FN3K: variants seen among roughly 807,000 people sequenced by gnomAD.
FN3K encodes fructosamine-3-kinase.
A neutral mutation model predicts 24.8 loss-of-function variants in FN3K; 24 were observed. That is an observed-to-expected ratio of 0.97 (90% CI 0.70 to 1.36). FN3K has a LOEUF of 1.36. FN3K is among the 40% of genes most tolerant of loss of function. FN3K has a pLI of 0.00. For missense variants in FN3K, 449 were observed against 416.7 expected (o/e 1.08, Z -0.67); for synonymous variants, 192 against 175.2 (o/e 1.10, Z -0.76).
At chr17:82,744,445 TTGG>T (rs1279517472) in intron 4 of FN3K, among the ~76,000 whole-genome samples, 1 of 152,154 alleles carries the variant, frequency 6.6e-6, no homozygotes, top group African/African-American at 2.4e-5. Flanking sequence ...CAACCATTCA[TTGG>T]TGTTGTCACT....
rs77706400 is a variant in FN3K at position 82,741,534 on chromosome 17, G to A, written c.468+141G>A. 664 of 780,828 alleles carry A rather than the reference G, an allele frequency of 8.5e-4. 6 individuals are homozygous for A. In the East Asian group the frequency reaches 0.017, roughly 20 times the overall value. 48.4% of individuals were successfully genotyped at this position (780,828 alleles called of 1,614,324 possible). On this transcript the variant is annotated intron_variant, in intron 4 of 5. Coordinates refer to ENST00000300784, the MANE Select transcript of FN3K (RefSeq NM_022158.4). ...AGCAGAGTAGAAGCTGTGATACCTG[G>A]AATGGGGAGAGCAGACGCTGAGGGT...
chr17:82,748,154 CT>C (rs946867906), intron 4 of FN3K, among the ~76,000 whole-genome samples: 34 of 127,044 alleles, frequency 2.7e-4, no homozygotes, highest in Admixed American at 6.1e-4. Context: ...TTTTTTTTTT[CT>C]TTTTTTTTTT....
intron 3 of FN3K, chr17:82,741,066 C>T: frequency 1.5e-6 from 1 of 656,920 alleles, no homozygotes. Context: ...TTATACCCAG[C>T]CCTCCTGTCT....
In FN3K at chr17:82,735,621, C is replaced by G. The variant is rs773282049; in HGVS notation, c.-16C>G. On this transcript the variant is annotated 5_prime_UTR_variant, in exon 1 of 6. Transcript: ENST00000300784. ...CAGGGGCTTCCGAGCGAGCAGAGTC[C>G]CGCGCCCCGCACTCCATGGAGCAGC... 6.6e-7 allele frequency: 1 copy of G among 1,513,920 alleles called. No homozygotes were observed. Among genetic ancestry groups the G allele is most frequent in the African/African-American group, 1.4e-5 (1 of 69,380 alleles). The allele number at this position is 1,513,920 out of a possible 1,614,324, so 93.8% of individuals were successfully genotyped here.
rs760258737 is a variant in FN3K at position 82,735,774 on chromosome 17, G to T, written c.138G>T (p.Thr46=). The T allele has an allele frequency of 1.9e-6, 3 of 1,561,022 alleles. No individual in the cohort carries two copies. Among genetic ancestry groups the T allele is most frequent in the South Asian group, 2.4e-5 (2 of 84,888 alleles). ...GPVFVKVNRR[T]QARQMFEGEV... is the part of the protein sequence containing the mutation. ...TGTTCGTCAAAGTCAACCGCAGGAC[G>T]CAGGTGCTGGCCCGTGCGCAGGCGG... is the stretch of plus-strand genomic sequence containing the variant. The change falls in exon 1 of 6, where the codon ACG becomes ACT. Residue 46 remains threonine (T), a synonymous_variant. Coordinates refer to ENST00000300784, the MANE Select transcript of FN3K (RefSeq NM_022158.4).
chr17:82,738,925 CATATATAT>C (rs201805110), intron 2 of FN3K, among the ~76,000 whole-genome samples: 2 of 104,118 alleles, frequency 1.9e-5, no homozygotes, highest in Non-Finnish European at 3.8e-5. Context: ...TATATATACA[CATATATAT>C]ATATATATAT....
Position 82,740,964 on chromosome 17 carries a change from C to T in FN3K, c.385+110C>T, listed in dbSNP as rs149684982. 2.0e-4 allele frequency: 151 copies of T among 759,664 alleles called. No homozygotes were observed. The East Asian group carries it at 3.4e-3, about 17-fold the overall frequency. The allele number at this position is 759,664 out of a possible 1,614,324, so 47.1% of individuals were successfully genotyped here. A position where few individuals can be genotyped will look rare whatever the true frequency, so the allele number is the denominator to read the frequency against. ...TTCAATAATAGGTTGAGTTGTATACCGTCTGTCTTTACACTACATTATGAA... is the reference window on the plus strand; with the variant it reads ...TTCAATAATAGGTTGAGTTGTATACTGTCTGTCTTTACACTACATTATGAA... On this transcript the variant is annotated intron_variant, in intron 3 of 5. Coordinates refer to ENST00000300784, the MANE Select transcript of FN3K (RefSeq NM_022158.4).
At chr17:82,749,116 G>A in intron 5 of FN3K, 139 bp downstream of exon 5, 1 of 1,355,248 alleles carries the variant, frequency 7.4e-7, no homozygotes, top group Non-Finnish European at 1.0e-6. Flanking sequence ...AAGGGGGGCA[G>A]GGGCGGGGGT....
chr17:82,741,723 A>C (rs1360041910), intron 4 of FN3K, among the ~76,000 whole-genome samples: 1 of 152,186 alleles, frequency 6.6e-6, no homozygotes, highest in African/African-American at 2.4e-5. Context: ...TCAGGGATTA[A>C]GTGCTGATTA....
rs754744395 is a variant in FN3K at position 82,735,802 on chromosome 17, G to C, written c.141+25G>C. On this transcript the variant is annotated intron_variant, in intron 1 of 5. Transcript: ENST00000300784. ...GGTGCTGGCCCGTGCGCAGGCGGGG[G>C]CTCTGCGGGTCTCTGCGGGGCCTGG... is the stretch of plus-strand genomic sequence containing the variant. The C allele has an allele frequency of 1.9e-5, 29 of 1,549,274 alleles. No individual in the cohort carries two copies. The East Asian group carries it at 4.8e-4, about 26-fold the overall frequency.
intron 1 of FN3K, among the ~76,000 whole-genome samples, chr17:82,737,410 G>A (rs2046908674): frequency 2.6e-5 from 4 of 151,890 alleles, no homozygotes; most frequent in Admixed American, 1.3e-4. Flanking sequence ...TGCAAGCTGC[G>A]CCTCCCGGTT....
chr17:82,746,168 A>G (rs563375650), intron 4 of FN3K, among the ~76,000 whole-genome samples: 1 of 151,850 alleles, frequency 6.6e-6, no homozygotes, highest in African/African-American at 2.4e-5. Context: ...CCAGCAGCAT[A>G]TGGGAGTTCC....
chr17:82,739,619 G>A (rs543760863), intron 2 of FN3K, among the ~76,000 whole-genome samples: 8 of 151,946 alleles, frequency 5.3e-5, no homozygotes, highest in East Asian at 3.9e-4. Context: ...CACCATGCCC[G>A]GCTAATTTTT....
intron 2 of FN3K, among the ~76,000 whole-genome samples, chr17:82,739,611 C>G (rs1258574575): frequency 6.6e-6 from 1 of 152,058 alleles, no homozygotes; most frequent in Non-Finnish European, 1.5e-5. Context: ...GCGCCCGCCA[C>G]CATGCCCGGC....
intron 1 of FN3K, 35 bp from the exon 2 acceptor site, chr17:82,738,454 T>C: frequency 1.2e-6 from 2 of 1,611,394 alleles, no homozygotes; most frequent in Non-Finnish European, 1.7e-6. Context: ...CCTGGCTGAG[T>C]CAACAAGGCT....
chr17:82,735,943 A>C, intron 1 of FN3K, 166 bp downstream of exon 1: 1 of 887,558 alleles, frequency 1.1e-6, no homozygotes, highest in Non-Finnish European at 1.7e-6. Context: ...CGTTCTGTGA[A>C]GGTTTGTGTC....
chr17:82,736,133 C>T, intron 1 of FN3K: 2 of 264,292 alleles, frequency 7.6e-6, no homozygotes, highest in South Asian at 4.9e-5. Context: ...AGAGACATGG[C>T]TGGGCCCCTG....
intron 1 of FN3K, among the ~76,000 whole-genome samples, chr17:82,737,443 C>T (rs1287519939): frequency 6.6e-6 from 1 of 152,034 alleles, no homozygotes; most frequent in Non-Finnish European, 1.5e-5. Context: ...CTGCCTCAGC[C>T]TCCCGAGTAG....
chr17:82,744,451 T>G (rs546937285), intron 4 of FN3K, among the ~76,000 whole-genome samples: 16 of 152,286 alleles, frequency 1.1e-4, no homozygotes, highest in South Asian at 1.0e-3. Context: ...TTCATTGGTG[T>G]TGTCACTGTA....
Sources: allele counts gnomAD v4.1 joint callset (sites outside exome capture counted in the v4.1 genomes callset), GRCh38; gene constraint gnomAD v4.1.1; transcripts MANE v1.5; gene names NCBI Gene and HGNC (gene_info 2026-07-23, HGNC 2026-07-21).